Variants in CACNA2D3 observed in about 807,000 individuals in gnomAD.
The protein encoded by CACNA2D3 is voltage-dependent calcium channel subunit alpha-2/delta-3.
CACNA2D3 carries 60 observed loss-of-function variants against 160.6 expected under a neutral mutation model. That is an observed-to-expected ratio of 0.37 (90% CI 0.30 to 0.46). The LOEUF is 0.46. Among genes scored for constraint, CACNA2D3 ranks in the 20% least tolerant of loss-of-function variants. CACNA2D3 has a pLI of 1.00. For synonymous variants in CACNA2D3, 558 were observed against 492.9 expected (o/e 1.13, Z -1.75); for missense variants, 1,205 against 1,365.0 (o/e 0.88, Z 1.85).
At chr3:55,010,607 G>A (rs931566345) in intron 34 of CACNA2D3, among the ~76,000 whole-genome samples, 1 of 152,134 alleles carries the variant, frequency 6.6e-6, no homozygotes, top group South Asian at 2.1e-4. Flanking sequence ...CTACTTGGGA[G>A]GCCAGGGACT....
intron 27 of CACNA2D3, among the ~76,000 whole-genome samples, chr3:54,953,115 T>C (rs1022426174): frequency 3.9e-5 from 6 of 152,222 alleles, no homozygotes; most frequent in African/African-American, 1.4e-4. Flanking sequence ...CCTGTTGTTA[T>C]GTGTATGTGT....
At chr3:54,764,611 C>T (rs1214440943) in intron 13 of CACNA2D3, among the ~76,000 whole-genome samples, 1 of 152,190 alleles carries the variant, frequency 6.6e-6, no homozygotes, top group Non-Finnish European at 1.5e-5. Context: ...CTCGTTACTT[C>T]TGTCCCACTT....
At chr3:54,160,807 T>C (rs1700330708) in intron 2 of CACNA2D3, among the ~76,000 whole-genome samples, 1 of 152,258 alleles carries the variant, frequency 6.6e-6, no homozygotes, top group Non-Finnish European at 1.5e-5. Context: ...CAATTTGTAA[T>C]GTGTCCTCAT....
In CACNA2D3 at chr3:54,926,505, TACACACACACACACACACAC is replaced by T. The variant is rs36205023; in HGVS notation, c.2449+26666_2449+26685del. Among the ~76,000 whole-genome samples the T allele has an allele frequency of 3.2e-3, 458 of 143,408 alleles. 1 individual carries two copies. Among genetic ancestry groups the T allele is most frequent in the African/African-American group, 0.011 (409 of 38,890 alleles). 94.1% of individuals were successfully genotyped at this position (143,408 alleles called of 152,430 possible). ...CTACTGTGCTCCACTGCCTGTCAAATACACACACACACACACACACACACACACACACACACACACACACA... is the reference window on the plus strand; with the variant it reads ...CTACTGTGCTCCACTGCCTGTCAAATACACACACACACACACACACACACA... On this transcript the variant is annotated intron_variant, in intron 27 of 37. Coordinates refer to ENST00000474759, the MANE Select transcript of CACNA2D3 (RefSeq NM_018398.3).
chr3:54,628,455 A>C (rs1041973502), intron 10 of CACNA2D3, among the ~76,000 whole-genome samples: 3 of 152,174 alleles, frequency 2.0e-5, no homozygotes, highest in African/African-American at 7.2e-5. Flanking sequence ...GACACTAATG[A>C]GGGCTTTGAC....
chr3:54,328,930 C>G (rs1385026803), intron 3 of CACNA2D3, among the ~76,000 whole-genome samples: 1 of 152,154 alleles, frequency 6.6e-6, no homozygotes, highest in African/African-American at 2.4e-5. Flanking sequence ...CGGCTCAATA[C>G]CTAGGGACTG....
chr3:54,477,264 A>G (rs1332569646), intron 4 of CACNA2D3, among the ~76,000 whole-genome samples: 1 of 152,202 alleles, frequency 6.6e-6, no homozygotes, highest in Non-Finnish European at 1.5e-5. Context: ...CAGATGGGGT[A>G]AATGAGGCCC....
chr3:54,168,881 G>T (rs74998043), intron 2 of CACNA2D3, among the ~76,000 whole-genome samples: 1 of 152,066 alleles, frequency 6.6e-6, no homozygotes, highest in Non-Finnish European at 1.5e-5. Context: ...GCATCCCAGG[G>T]GTTCTGTTCT....
chr3:54,744,314 A>G (rs1310857810), intron 11 of CACNA2D3, among the ~76,000 whole-genome samples: 1 of 152,216 alleles, frequency 6.6e-6, no homozygotes, highest in Non-Finnish European at 1.5e-5. Context: ...ATAGTGCAAA[A>G]TACAAGAGAT....
chr3:54,643,422 A>C (rs1575401991), intron 11 of CACNA2D3, among the ~76,000 whole-genome samples: 2 of 151,674 alleles, frequency 1.3e-5, no homozygotes, highest in East Asian at 3.9e-4. Context: ...ATGGGTGCCA[A>C]CTCCTTCCCC....
chr3:54,237,047 A>AGG (rs949387969), intron 2 of CACNA2D3, among the ~76,000 whole-genome samples: 2 of 151,472 alleles, frequency 1.3e-5, no homozygotes, highest in African/African-American at 4.9e-5. Flanking sequence ...CATTCCATTA[A>AGG]GGGAAGTCTA....
At chr3:54,444,617 C>T (rs1010642492) in intron 4 of CACNA2D3, among the ~76,000 whole-genome samples, 2 of 152,200 alleles carry the variant, frequency 1.3e-5, no homozygotes, top group African/African-American at 4.8e-5. Flanking sequence ...GGCCACATAA[C>T]ATGCATTAGG....
At chr3:54,736,073 AC>A (rs1701509626) in intron 11 of CACNA2D3, among the ~76,000 whole-genome samples, 1 of 25,864 alleles carries the variant, frequency 3.9e-5, no homozygotes, top group Non-Finnish European at 1.2e-4. Context: ...ATATATATAT[AC>A]ATATATATGT....
Position 54,899,789 on chromosome 3 carries a change from A to G in CACNA2D3, c.2370A>G (p.Gly790=), listed in dbSNP as rs1366551163. Residue 790 remains glycine (G), a splice_region_variant and synonymous_variant, in exon 27 of 38, where the codon GGA becomes GGG. Transcript: ENST00000474759. The part of the protein sequence containing the change: ...SFVYSIPFST[G]PVNKSNVVTA... The stretch of plus-strand genomic sequence containing the variant: ...TTGTGGTGTTTTTTCTTTTCACAGG[A>G]CCAGTCAATAAAAGCAATGTGGTGA... 1 of 1,605,612 alleles carries G rather than the reference A, an allele frequency of 6.2e-7. No individual in the cohort carries two copies. The highest frequency in any genetic ancestry group is 2.2e-5 in the East Asian group (1 of 44,702).
chr3:55,042,091 T>C (rs1334924824), intron 35 of CACNA2D3, among the ~76,000 whole-genome samples: 2 of 152,138 alleles, frequency 1.3e-5, no homozygotes, highest in African/African-American at 4.8e-5. Flanking sequence ...TTGGTGAATA[T>C]TCCATGTGCA....
At chr3:54,661,028 G>C (rs1420950430) in intron 11 of CACNA2D3, among the ~76,000 whole-genome samples, 2 of 152,172 alleles carry the variant, frequency 1.3e-5, no homozygotes, top group Non-Finnish European at 2.9e-5. Context: ...CGCTTGCCGA[G>C]CCTTATTGGG....
intron 4 of CACNA2D3, among the ~76,000 whole-genome samples, chr3:54,460,719 A>T (rs1209433579): frequency 2.0e-5 from 3 of 152,196 alleles, no homozygotes; most frequent in African/African-American, 4.8e-5. Context: ...TGTCATCTGC[A>T]AACAGGGACA....
At chr3:55,012,702 C>G (rs1703235925) in intron 34 of CACNA2D3, among the ~76,000 whole-genome samples, 1 of 151,980 alleles carries the variant, frequency 6.6e-6, no homozygotes. Flanking sequence ...GCGTAGAGGC[C>G]AGGGATGCAG....
intron 8 of CACNA2D3, 47 bp downstream of exon 8, chr3:54,570,151 C>T (rs748132030): frequency 6.3e-7 from 1 of 1,586,022 alleles, no homozygotes; most frequent in East Asian, 2.2e-5. Flanking sequence ...TTCATTTGAT[C>T]TTTTGGTAGT....
Sources: gnomAD v4.1 joint callset for allele counts (sites outside exome capture counted in the v4.1 genomes callset) on GRCh38, gnomAD v4.1.1 for gene constraint, MANE v1.5 for transcripts, NCBI Gene and HGNC (gene_info 2026-07-23, HGNC 2026-07-21) for gene names.